The following RFX3 variants were observed in gnomAD, a reference collection of about 807,000 sequenced individuals.
RFX3 encodes the protein transcription factor RFX3.
In RFX3, 14 loss-of-function variants were observed where a neutral mutation model predicts 98.6. The observed-to-expected ratio is 0.14, with a 90% CI of 0.09 to 0.22. The LOEUF is 0.22. Among genes scored for constraint, RFX3 ranks in the 10% least tolerant of loss-of-function variants. RFX3 has a pLI of 1.00. For missense variants in RFX3, 639 were observed against 926.9 expected, an observed-to-expected ratio of 0.69 and a Z score of 4.03; for synonymous variants, 383 against 328.4, an observed-to-expected ratio of 1.17 and a Z score of -1.80.
intron 16 of RFX3, among the ~76,000 whole-genome samples, chr9:3,226,827 A>T (rs1302312180): frequency 6.6e-6 from 1 of 152,204 alleles, no homozygotes; most frequent in African/African-American, 2.4e-5. Flanking sequence ...ATCTTAACAC[A>T]AACTCTTCAT....
intron 4 of RFX3, chr9:3,324,004 C>A: frequency 2.3e-6 from 1 of 442,252 alleles, no homozygotes; most frequent in Non-Finnish European, 4.8e-6. Flanking sequence ...AAAATGAGGC[C>A]CAGAACCTTC....
chr9:3,450,692 A>G (rs1846523245), intron 1 of RFX3, among the ~76,000 whole-genome samples: 1 of 152,172 alleles, frequency 6.6e-6, no homozygotes, highest in African/African-American at 2.4e-5. Context: ...GTTTTGCCTC[A>G]AGTTTTTTGG....
chr9:3,375,209 T>C (rs1838323637), intron 2 of RFX3, among the ~76,000 whole-genome samples: 2 of 152,320 alleles, frequency 1.3e-5, no homozygotes, highest in African/African-American at 2.4e-5. Flanking sequence ...TTTCCAAAGC[T>C]GTCATCTCCA....
chr9:3,359,213 C>A (rs1836132233), intron 2 of RFX3, among the ~76,000 whole-genome samples: 1 of 151,848 alleles, frequency 6.6e-6, no homozygotes, highest in Non-Finnish European at 1.5e-5. Flanking sequence ...TAAAAAAGGG[C>A]AGACAATGAA....
intron 4 of RFX3, among the ~76,000 whole-genome samples, chr9:3,321,139 G>A (rs1356647680): frequency 6.6e-6 from 1 of 151,990 alleles, no homozygotes; most frequent in East Asian, 1.9e-4. Context: ...CCTGACCTCA[G>A]GTGATCCACC....
At chr9:3,323,989 C>T (rs561777860) in intron 4 of RFX3, 1 of 424,460 alleles carries the variant, frequency 2.4e-6, no homozygotes, top group East Asian at 7.2e-5. Flanking sequence ...TTATTAAATG[C>T]TTTGAAAATG....
chr9:3,442,312 T>C (rs1845677644), intron 1 of RFX3, among the ~76,000 whole-genome samples: 1 of 151,938 alleles, frequency 6.6e-6, no homozygotes, highest in South Asian at 2.1e-4. Flanking sequence ...TACCATATGA[T>C]GTGATGAGAA....
chr9:3,509,240 G>C (rs983516354), intron 1 of RFX3, among the ~76,000 whole-genome samples: 1 of 151,862 alleles, frequency 6.6e-6, no homozygotes, highest in African/African-American at 2.4e-5. Context: ...AGCCCAGCTG[G>C]GCAAGTCTCA....
chr9:3,485,103 G>A (rs575590482), intron 1 of RFX3, among the ~76,000 whole-genome samples: 4 of 152,044 alleles, frequency 2.6e-5, no homozygotes, highest in African/African-American at 9.6e-5. Context: ...CAGAGCAAGA[G>A]CCTATCTCAA....
At chr9:3,348,935 A>G (rs1834765967) in intron 2 of RFX3, among the ~76,000 whole-genome samples, 1 of 152,124 alleles carries the variant, frequency 6.6e-6, no homozygotes, top group African/African-American at 2.4e-5. Context: ...GGAATCAGAC[A>G]TTTCTTCAAA....
At chr9:3,508,183 T>A (rs1223949491) in intron 1 of RFX3, among the ~76,000 whole-genome samples, 2 of 151,972 alleles carry the variant, frequency 1.3e-5, no homozygotes, top group Non-Finnish European at 2.9e-5. Context: ...CATAAGACAT[T>A]AAGACCACGT....
At chr9:3,483,652 T>C (rs968938942) in intron 1 of RFX3, among the ~76,000 whole-genome samples, 1 of 152,166 alleles carries the variant, frequency 6.6e-6, no homozygotes, top group Non-Finnish European at 1.5e-5. Context: ...ATCCAGATTA[T>C]AGATATCCAG....
chr9:3,227,961 C>G (rs1368217513), intron 16 of RFX3, among the ~76,000 whole-genome samples: 1 of 152,090 alleles, frequency 6.6e-6, no homozygotes, highest in African/African-American at 2.4e-5. Context: ...GTGGCTCTGG[C>G]CTGGAAGGGC....
chr9:3,330,370 G>A lies in RFX3; in HGVS notation c.363C>T (p.Gly121=), dbSNP rs200759434. The A allele has an allele frequency of 3.4e-4, 555 of 1,614,100 alleles. No individual in the cohort carries two copies. Among genetic ancestry groups the A allele is most frequent in the Admixed American group, 7.8e-4 (47 of 60,006 alleles). Residue 121 remains glycine, a synonymous_variant, in exon 4 of 17, where the codon GGC becomes GGT. Transcript: ENST00000617270. The stretch of plus-strand genomic sequence containing the variant: ...TGCTGATGAGTTGTCCTCCTGTGAC[G>A]CCCATCTGAATCCCACCAGTGCCCA... ...SMVGTGGIQM[G]VTGGQLISSS...
intron 2 of RFX3, among the ~76,000 whole-genome samples, chr9:3,366,652 C>G (rs983345284): frequency 6.8e-6 from 1 of 146,398 alleles, no homozygotes; most frequent in Non-Finnish European, 1.5e-5. Flanking sequence ...TCTTTCTTTC[C>G]TTTCCTTTTC....
At chr9:3,424,523 G>A (rs535415306) in intron 1 of RFX3, among the ~76,000 whole-genome samples, 86 of 151,374 alleles carry the variant, frequency 5.7e-4, no homozygotes, top group African/African-American at 1.7e-3. Context: ...CACCGCGCCC[G>A]GATAATTTTT....
chr9:3,515,478 G>A (rs968502121), intron 1 of RFX3, among the ~76,000 whole-genome samples: 2 of 151,940 alleles, frequency 1.3e-5, no homozygotes, highest in Admixed American at 6.6e-5. Flanking sequence ...CCTACGCCCC[G>A]TAAGTCCCAC....
chr9:3,495,871 T>C (rs537522473), intron 1 of RFX3, among the ~76,000 whole-genome samples: 220 of 152,184 alleles, frequency 1.4e-3, no homozygotes, highest in African/African-American at 5.2e-3. Context: ...TTTAAACATA[T>C]TACCTTCTAA....
At chr9:3,445,097 T>C (rs1241173305) in intron 1 of RFX3, among the ~76,000 whole-genome samples, 1 of 152,192 alleles carries the variant, frequency 6.6e-6, no homozygotes, top group Non-Finnish European at 1.5e-5. Flanking sequence ...GTTTAAAGTA[T>C]TTGGGAGCCT....
Sources: gnomAD v4.1 joint callset for allele counts (sites outside exome capture counted in the v4.1 genomes callset) on GRCh38, gnomAD v4.1.1 for gene constraint, MANE v1.5 for transcripts, NCBI Gene and HGNC (gene_info 2026-07-23, HGNC 2026-07-21) for gene names.